Variants in RBFOX3 observed in about 807,000 individuals in gnomAD.
RBFOX3 encodes RNA binding protein fox-1 homolog 3.
In RBFOX3, 17 loss-of-function variants were observed where a neutral mutation model predicts 48.7. That is an observed-to-expected ratio of 0.35 (90% confidence interval 0.24 to 0.52). The LOEUF (loss-of-function observed/expected upper bound fraction) is 0.52, where lower values mean the gene tolerates loss of function less well. RBFOX3 is among the 20% of genes least tolerant of loss of function. The probability of loss-of-function intolerance (pLI) is 0.94; values close to 1 mark genes in which losing one functional copy is unlikely to be tolerated. For synonymous variants in RBFOX3, 212 were observed against 209.5 expected (o/e 1.01, Z -0.10); for missense variants, 382 against 497.5 (o/e 0.77, Z 2.21).
intron 1 of RBFOX3, among the ~76,000 whole-genome samples, chr17:79,523,078 T>G: frequency 6.8e-6 from 1 of 147,056 alleles, no homozygotes; most frequent in African/African-American, 2.5e-5. Flanking sequence ...GTTCCCAGAA[T>G]AGCCAAATCC....
chr17:79,323,471 G>C (rs901118015), intron 2 of RBFOX3, among the ~76,000 whole-genome samples: 2 of 152,198 alleles, frequency 1.3e-5, no homozygotes, highest in Non-Finnish European at 2.9e-5. Context: ...TGTGAAGTGA[G>C]TTTTTAAGCC....
the RBFOX3 span, among the ~76,000 whole-genome samples, chr17:79,644,689 G>A: frequency 2.0e-4 from 30 of 152,278 alleles, no homozygotes; most frequent in Admixed American, 1.2e-3. Context: ...ACATGTGAAC[G>A]AAGTGTACGT....
chr17:79,636,026 T>G, the RBFOX3 span, among the ~76,000 whole-genome samples: 4 of 152,186 alleles, frequency 2.6e-5, no homozygotes, highest in Admixed American at 6.5e-5. Context: ...TTTTAAATGT[T>G]TGTGCCTTTG....
intron 4 of RBFOX3, among the ~76,000 whole-genome samples, chr17:79,176,122 G>C (rs2050488330): frequency 6.6e-6 from 1 of 152,222 alleles, no homozygotes. Flanking sequence ...GGAATTTGCG[G>C]AAGGGGGTCC....
chr17:79,135,504 C>G (rs1310135188), intron 4 of RBFOX3, among the ~76,000 whole-genome samples: 1 of 152,162 alleles, frequency 6.6e-6, no homozygotes, highest in Non-Finnish European at 1.5e-5. Flanking sequence ...GCCCCCTTCC[C>G]AAGAGCAAAA....
At chr17:79,553,763 C>A (rs1392129197) in intron 1 of RBFOX3, among the ~76,000 whole-genome samples, 3 of 152,110 alleles carry the variant, frequency 2.0e-5, no homozygotes, top group Non-Finnish European at 4.4e-5. Flanking sequence ...CTCTCTCTCT[C>A]TCTCTGTTGC....
At chr17:79,355,881 G>A (rs562676542) in intron 2 of RBFOX3, among the ~76,000 whole-genome samples, 12 of 152,252 alleles carry the variant, frequency 7.9e-5, no homozygotes, top group African/African-American at 1.4e-4. Flanking sequence ...GTGCCTGGCC[G>A]AACTGCTTTT....
chr17:79,093,130 C>G (rs1022146314), intron 14 of RBFOX3, among the ~76,000 whole-genome samples: 1 of 152,182 alleles, frequency 6.6e-6, no homozygotes. Context: ...GTGTTCAGAG[C>G]CTTGCTCTCT....
the RBFOX3 span, among the ~76,000 whole-genome samples, chr17:79,629,961 TC>T: frequency 2.0e-5 from 3 of 152,236 alleles, no homozygotes; most frequent in Non-Finnish European, 4.4e-5. Context: ...AGTGGTTTCC[TC>T]TGTGTAAGTG....
Position 79,104,096 on chromosome 17 carries a change from T to C in RBFOX3, c.391A>G (p.Ile131Val). Reference protein sequence around the residue: ...QFGKILDVEIIFNERGSKGFG... With the variant: ...QFGKILDVEIVFNERGSKGFG... Reference sequence around the variant, plus strand: ...ACCTTGGAGCCCCGCTCGTTAAAAATGATCTCCACGTCTAAAATTTTTCCG... The same window carrying C: ...ACCTTGGAGCCCCGCTCGTTAAAAACGATCTCCACGTCTAAAATTTTTCCG... Residue 131 changes from isoleucine (I) to valine (V), a missense_variant, in exon 7 of 15, where the codon ATT (isoleucine) becomes GTT (valine). Ile to Val is a conservative substitution (Grantham distance 29). Around this residue, in one of 3 missense-constraint regions of RBFOX3, gnomAD observed 49 missense variants for 110.7 expected, o/e 0.44. Coordinates refer to ENST00000693108, the MANE Select transcript of RBFOX3 (RefSeq NM_001350451.2). 1 of 1,551,236 alleles carries C rather than the reference T, an allele frequency of 6.4e-7. No individual in the cohort carries two copies. Among genetic ancestry groups the C allele is most frequent in the Non-Finnish European group, 8.7e-7 (1 of 1,146,906 alleles).
intron 4 of RBFOX3, among the ~76,000 whole-genome samples, chr17:79,183,893 C>G (rs1456488112): frequency 6.6e-6 from 1 of 152,152 alleles, no homozygotes; most frequent in Non-Finnish European, 1.5e-5. Flanking sequence ...CACGCTCGGG[C>G]CCCTGCGCGC....
At chr17:79,094,668 TCCTGCAAGG>T (rs1169392715) in intron 13 of RBFOX3, 139 bp from the exon 14 acceptor site, 94 of 523,792 alleles carry the variant, frequency 1.8e-4, no homozygotes, top group Middle Eastern at 1.5e-3. Flanking sequence ...CACCCTCCCC[TCCTGCAAGG>T]CCTGCAAGGC....
intron 1 of RBFOX3, among the ~76,000 whole-genome samples, chr17:79,528,664 C>T (rs1401734909): frequency 2.0e-5 from 3 of 151,888 alleles, no homozygotes; most frequent in Non-Finnish European, 4.4e-5. Flanking sequence ...GGAGGGGATG[C>T]AGAGACACAT....
At chr17:79,162,207 C>T (rs2047119483) in intron 4 of RBFOX3, among the ~76,000 whole-genome samples, 1 of 152,226 alleles carries the variant, frequency 6.6e-6, no homozygotes, top group South Asian at 2.1e-4. Flanking sequence ...AATTGAATTT[C>T]CCTTTAATTA....
intron 4 of RBFOX3, among the ~76,000 whole-genome samples, chr17:79,210,637 T>C (rs1455859458): frequency 6.6e-6 from 1 of 152,254 alleles, no homozygotes; most frequent in African/African-American, 2.4e-5. Context: ...ATTATGGAAT[T>C]GAAGGGTCGG....
chr17:79,138,770 G>GCA (rs1425725348), intron 4 of RBFOX3, among the ~76,000 whole-genome samples: 7 of 6,556 alleles, frequency 1.1e-3, no homozygotes, highest in East Asian at 3.7e-3. Flanking sequence ...CCACAAACAT[G>GCA]CACACAGCAC....
At chr17:79,414,077 C>T (rs1400134719) in intron 2 of RBFOX3, among the ~76,000 whole-genome samples, 32 of 152,096 alleles carry the variant, frequency 2.1e-4, no homozygotes, top group Admixed American at 1.8e-3. Context: ...CGGCTGGCCT[C>T]GGCCTTGTTA....
chr17:79,261,684 G>A (rs988674866), intron 3 of RBFOX3, among the ~76,000 whole-genome samples: 1 of 152,212 alleles, frequency 6.6e-6, no homozygotes, highest in Non-Finnish European at 1.5e-5. Context: ...GCAGCAGCTC[G>A]CACACAGGCG....
chr17:79,474,010 T>C (rs2077373881), intron 2 of RBFOX3, among the ~76,000 whole-genome samples: 1 of 152,012 alleles, frequency 6.6e-6, no homozygotes, highest in South Asian at 2.1e-4. Flanking sequence ...TCCTTGCAAA[T>C]CGGGTAAAAG....
Sources: allele counts gnomAD v4.1 joint callset (sites outside exome capture counted in the v4.1 genomes callset), GRCh38; gene constraint gnomAD v4.1.1; regional missense constraint gnomAD v4.1.1; transcripts MANE v1.5; gene names NCBI Gene and HGNC (gene_info 2026-07-23, HGNC 2026-07-21).